The following PXN variants were observed in gnomAD, a reference collection of about 807,000 sequenced individuals.
PXN encodes the protein testicular tissue protein Li 134.
In PXN, 61 loss-of-function variants were observed where a neutral mutation model predicts 103.6. That is an observed-to-expected ratio of 0.59 (90% CI 0.48 to 0.73). The LOEUF is 0.73. PXN is among the 30% of genes least tolerant of loss of function. The probability of loss-of-function intolerance (pLI) is 0.00; values close to 1 mark genes in which losing one functional copy is unlikely to be tolerated. For missense variants in PXN, 1,274 were observed against 1,460.3 expected (o/e 0.87, Z 2.08); for synonymous variants, 562 against 607.8 (o/e 0.92, Z 1.11).
At chr12:120,246,514 CAAAAAAAA>C (rs139689226) in intron 1 of PXN, among the ~76,000 whole-genome samples, 65 of 58,346 alleles carry the variant, frequency 1.1e-3, no homozygotes, top group East Asian at 9.7e-3. Context: ...GACTCTGTCT[CAAAAAAAA>C]AAAAAAAAAA....
In PXN at chr12:120,217,525, C is replaced by T. The variant is rs889654492; in HGVS notation, c.1717-409G>A. Reference sequence around the variant, plus strand: ...AAGTGCATGCCCTTGACAAGGCATACGGCTTTTTCTTTTTTCTTTTTTTTA... The same window carrying T: ...AAGTGCATGCCCTTGACAAGGCATATGGCTTTTTCTTTTTTCTTTTTTTTA... On this transcript the variant is annotated intron_variant, in intron 7 of 14. Transcript: ENST00000637617. This position sits in a 1 kb window ranked among gnomAD's most constrained non-coding sequence, Gnocchi z 4.1. Among the ~76,000 whole-genome samples the T allele has an allele frequency of 2.0e-5, 3 of 152,114 alleles. No individual in the cohort carries two copies. Among genetic ancestry groups the T allele is most frequent in the African/African-American group, 7.2e-5 (3 of 41,404 alleles).
chr12:120,233,267 ATCC>A (rs1888408090), intron 1 of PXN, among the ~76,000 whole-genome samples: 1 of 152,064 alleles, frequency 6.6e-6, no homozygotes, highest in Non-Finnish European at 1.5e-5. Flanking sequence ...GGGCAAGAAC[ATCC>A]TCCTGCTCCT....
intron 1 of PXN, among the ~76,000 whole-genome samples, chr12:120,264,492 G>A (rs114209699): frequency 5.9e-5 from 9 of 152,242 alleles, no homozygotes; most frequent in African/African-American, 1.9e-4. Flanking sequence ...CTGCGTTCAC[G>A]CCACCCAAGG....
In PXN at chr12:120,216,106, C is replaced by T. The variant is rs1882889836; in HGVS notation, c.2301+167G>A. The T allele has an allele frequency of 5.4e-6, 7 of 1,287,966 alleles. No individual in the cohort carries two copies. Among genetic ancestry groups the T allele is most frequent in the Non-Finnish European group, 6.9e-6 (7 of 1,020,038 alleles). The allele number at this position is 1,287,966 out of a possible 1,614,324, so 79.8% of individuals were successfully genotyped here. ...AGCGGACCTTCTGAGTGGGGGAAGA[C>T]CGGGGTCAAGGTTTACGGCAGGACT... On this transcript the variant is annotated intron_variant, in intron 9 of 14. Transcript: ENST00000637617. This position sits in a 1 kb window ranked among gnomAD's most constrained non-coding sequence, Gnocchi z 5.1.
chr12:120,223,838 G>T lies in PXN; in HGVS notation c.241-5C>A. ...CACAGGTGATGAGGACTGAGGCTGCGAGAAGGAGAATGCTCAGAGGCTACC... is the reference window on the plus strand; with the variant it reads ...CACAGGTGATGAGGACTGAGGCTGCTAGAAGGAGAATGCTCAGAGGCTACC... On this transcript the variant is annotated splice_region_variant and splice_polypyrimidine_tract_variant and intron_variant, in intron 2 of 14. Transcript: ENST00000637617. The T allele has an allele frequency of 1.3e-6, 2 of 1,577,596 alleles. No homozygotes were observed. The highest frequency in any genetic ancestry group is 8.7e-7 in the Non-Finnish European group (1 of 1,155,268).
intron 3 of PXN, 89 bp downstream of exon 3, chr12:120,223,629 C>T: frequency 2.0e-6 from 2 of 1,010,376 alleles, no homozygotes; most frequent in Non-Finnish European, 2.9e-6. Context: ...GCTATGCCTG[C>T]TCCCGGGCCT....
At chr12:120,236,735 A>C (rs143765047) in intron 1 of PXN, among the ~76,000 whole-genome samples, 2,425 of 152,200 alleles carry the variant, frequency 0.016, 48 homozygotes, top group East Asian at 0.1. Flanking sequence ...TTGGCCTCCC[A>C]AAGTGCTGGC....
rs1365586677 is a variant in PXN, at chr12:120,228,212, C to CCTCAA, written c.14-3836_14-3835insTTGAG. 1.3e-5 allele frequency among the ~76,000 whole-genome samples: 2 copies of CCTCAA among 152,214 alleles called. No individual in the cohort carries two copies. Among genetic ancestry groups the CCTCAA allele is most frequent in the Non-Finnish European group, 2.9e-5 (2 of 68,034 alleles). On this transcript the variant is annotated intron_variant, in intron 1 of 14. Coordinates refer to ENST00000637617, the MANE Select transcript of PXN (RefSeq NM_001385981.1). The surrounding 1 kb of genome is among the most constrained non-coding windows in gnomAD (Gnocchi z 4.7). Reference sequence around the variant, plus strand: ...TAAGAAAGGCCTCAAATTTCCTTGGCATTACTCTACTAAGTTTCCAGGTCC... The same window carrying CCTCAA: ...TAAGAAAGGCCTCAAATTTCCTTGGCCTCAAATTACTCTACTAAGTTTCCAGGTCC...
chr12:120,253,049 T>C (rs1892455599), intron 1 of PXN, among the ~76,000 whole-genome samples: 1 of 146,772 alleles, frequency 6.8e-6, no homozygotes, highest in South Asian at 2.2e-4. Flanking sequence ...TGGTGCAATC[T>C]CCTGATGTTT....
intron 1 of PXN, among the ~76,000 whole-genome samples, chr12:120,246,571 C>T (rs1891184554): frequency 6.8e-6 from 1 of 146,038 alleles, no homozygotes; most frequent in African/African-American, 2.5e-5. Flanking sequence ...AAAATTTAGC[C>T]AGGCCAGGCG....
rs1183998594 is a variant in PXN at position 120,215,471 on chromosome 12, G to A, written c.2403+89C>T. 1 of 1,489,970 alleles carries A rather than the reference G, an allele frequency of 6.7e-7. No individual in the cohort carries two copies. 92.3% of individuals were successfully genotyped at this position (1,489,970 alleles called of 1,614,324 possible). A position where few individuals can be genotyped will look rare whatever the true frequency, so the allele number is the denominator to read the frequency against. ...CCTGGTGGTCGGAGGGGCCCACCAG[G>A]GTCGGAAAGGCTGAGGGCACCCAGC... is the stretch of plus-strand genomic sequence containing the variant. On this transcript the variant is annotated intron_variant, in intron 10 of 14. Transcript: ENST00000637617. This position sits in a 1 kb window ranked among gnomAD's most constrained non-coding sequence, Gnocchi z 4.9.
rs1880932052 is a variant in PXN at position 120,213,139 on chromosome 12, G to A, written c.2980-559C>T. On this transcript the variant is annotated intron_variant, in intron 14 of 14. Coordinates refer to ENST00000637617, the MANE Select transcript of PXN (RefSeq NM_001385981.1). The surrounding 1 kb of genome is among the most constrained non-coding windows in gnomAD (Gnocchi z 4.2). ...CACACTTGTAATCCCAGCACTTTGG[G>A]AGGCCAAGGGAGGCGGATCACCTGA... 1 of 152,554 alleles carries A rather than the reference G, an allele frequency of 6.6e-6. No individual in the cohort carries two copies. The highest frequency in any genetic ancestry group is 1.5e-5 in the Non-Finnish European group (1 of 68,334). The allele number at this position is 152,554 out of a possible 1,614,324, so 9.5% of individuals were successfully genotyped here. A position where few individuals can be genotyped will look rare whatever the true frequency, so the allele number is the denominator to read the frequency against.
chr12:120,217,024 G>A lies in PXN; in HGVS notation c.1809C>T (p.Thr603=). ...GTTCCTGGGATGGGGTCCTGCTCAA[G>A]GTGGCAGGGTCCAGCCGGCGGCGAG... is the stretch of plus-strand genomic sequence containing the variant. ...PSPRRRLDPA[T]LSRTPSQEQL... Residue 603 remains threonine (T), a synonymous_variant, in exon 8 of 15, where the codon ACC becomes ACT. Coordinates refer to ENST00000637617, the MANE Select transcript of PXN (RefSeq NM_001385981.1). The surrounding 1 kb of genome is among the most constrained non-coding windows in gnomAD (Gnocchi z 4.1). The A allele has an allele frequency of 1.3e-6, 2 of 1,581,904 alleles. No homozygotes were observed. Among genetic ancestry groups the A allele is most frequent in the East Asian group, 2.3e-5 (1 of 44,144 alleles).
chr12:120,235,710 C>G (rs1888901095), intron 1 of PXN, among the ~76,000 whole-genome samples: 1 of 152,144 alleles, frequency 6.6e-6, no homozygotes, highest in Non-Finnish European at 1.5e-5. Context: ...GGGTCTTGAG[C>G]CACAGAGGAG....
At chr12:120,245,279 G>A (rs1890870288) in intron 1 of PXN, among the ~76,000 whole-genome samples, 1 of 152,028 alleles carries the variant, frequency 6.6e-6, no homozygotes, top group Non-Finnish European at 1.5e-5. Flanking sequence ...AGCCCAGAGA[G>A]ACTGACAGCA....
intron 1 of PXN, among the ~76,000 whole-genome samples, chr12:120,261,339 C>T (rs530776140): frequency 7.2e-5 from 11 of 152,182 alleles, no homozygotes; most frequent in East Asian, 5.8e-4. Context: ...TACAGGCACG[C>T]GCCACCACGC....
intron 1 of PXN, chr12:120,249,971 C>T: frequency 1.0e-6 from 1 of 985,458 alleles, no homozygotes; most frequent in Non-Finnish European, 1.2e-6. Flanking sequence ...CCAAGACAGG[C>T]AGCATGTGAC....
Position 120,221,374 on chromosome 12 carries a change from T to C in PXN, c.831+249A>G, listed in dbSNP as rs912628149. On this transcript the variant is annotated intron_variant, in intron 6 of 14. Transcript: ENST00000637617. This position sits in a 1 kb window ranked among gnomAD's most constrained non-coding sequence, Gnocchi z 6.6. ...CTGGGAGCACCCAGGGAGGAAGGAA[T>C]GTCCCAGCTGAGCACTTCTCCAGCT... Among the ~76,000 whole-genome samples, 1 of 152,072 alleles carries C rather than the reference T, an allele frequency of 6.6e-6. No individual in the cohort carries two copies. The highest frequency in any genetic ancestry group is 2.4e-5 in the African/African-American group (1 of 41,384).
chr12:120,252,329 C>T (rs1283461779), intron 1 of PXN, among the ~76,000 whole-genome samples: 1 of 152,068 alleles, frequency 6.6e-6, no homozygotes, highest in East Asian at 1.9e-4. Context: ...CGGGGCAGAG[C>T]GGGAGACAGA....
Sources: allele counts gnomAD v4.1 joint callset (sites outside exome capture counted in the v4.1 genomes callset), GRCh38; gene constraint gnomAD v4.1.1; non-coding constraint Gnocchi (gnomAD v3.1); transcripts MANE v1.5; gene names NCBI Gene and HGNC (gene_info 2026-07-23, HGNC 2026-07-21).